The following FGF12 variants were observed in gnomAD, a reference collection of about 807,000 sequenced individuals.
FGF12 encodes fibroblast growth factor 12, also known as fibroblast growth factor 12B.
In FGF12, 14 loss-of-function variants were observed where a neutral mutation model predicts 23.6. That is an observed-to-expected ratio of 0.59 (90% CI 0.39 to 0.93). The LOEUF is 0.93. Ranked by LOEUF, FGF12 falls within the 40% of genes least tolerant of loss-of-function variation. The pLI is 0.00. For missense variants in FGF12, 175 were observed against 217.8 expected, an observed-to-expected ratio of 0.80 and a Z score of 1.24; for synonymous variants, 62 against 77.3, an observed-to-expected ratio of 0.80 and a Z score of 1.04.
At chr3:192,413,023 C>G (rs1182120798) in intron 2 of FGF12, among the ~76,000 whole-genome samples, 1 of 152,012 alleles carries the variant, frequency 6.6e-6, no homozygotes, top group African/African-American at 2.4e-5. Flanking sequence ...AAATGCACAT[C>G]AAAATGATAA....
intron 2 of FGF12, among the ~76,000 whole-genome samples, chr3:192,464,671 G>T (rs1722960011): frequency 6.6e-6 from 1 of 152,138 alleles, no homozygotes; most frequent in African/African-American, 2.4e-5. Context: ...CTTTTCCTCT[G>T]AGTAGATACC....
At chr3:192,170,313 T>A in intron 5 of FGF12, 145 bp downstream of exon 5, 1 of 612,322 alleles carries the variant, frequency 1.6e-6, no homozygotes, top group Non-Finnish European at 2.9e-6. Context: ...GAAGAGATAC[T>A]ATTGTGTTCT....
At chr3:192,443,746 A>G (rs1225099575) in intron 2 of FGF12, among the ~76,000 whole-genome samples, 1 of 152,186 alleles carries the variant, frequency 6.6e-6, no homozygotes, top group African/African-American at 2.4e-5. Flanking sequence ...ACTTTGCTTT[A>G]CCCTTTTCAC....
intron 4 of FGF12, among the ~76,000 whole-genome samples, chr3:192,212,566 C>A (rs1717987554): frequency 6.6e-6 from 1 of 152,100 alleles, no homozygotes; most frequent in Admixed American, 6.6e-5. Context: ...GTAAACTGGG[C>A]TAATAACTTA....
chr3:192,245,886 C>A (rs1711544194), intron 4 of FGF12, among the ~76,000 whole-genome samples: 1 of 151,724 alleles, frequency 6.6e-6, no homozygotes, highest in African/African-American at 2.4e-5. Flanking sequence ...TTTTTCGGAC[C>A]CTAATGCTAA....
chr3:192,367,842 C>T (rs967340769), intron 2 of FGF12, among the ~76,000 whole-genome samples: 1 of 152,138 alleles, frequency 6.6e-6, no homozygotes. Context: ...CATCTTCGAT[C>T]TCCCCATTGG....
At chr3:192,675,199 C>T (rs936692337) in intron 2 of FGF12, among the ~76,000 whole-genome samples, 3 of 152,042 alleles carry the variant, frequency 2.0e-5, no homozygotes, top group Non-Finnish European at 2.9e-5. Flanking sequence ...GGTCCCAGTA[C>T]ACTGCGGCAA....
intron 2 of FGF12, among the ~76,000 whole-genome samples, chr3:192,602,939 T>G (rs1714176114): frequency 1.3e-5 from 2 of 152,090 alleles, no homozygotes; most frequent in South Asian, 4.1e-4. Flanking sequence ...AAAAACCATA[T>G]GACCATCTCA....
At chr3:192,414,217 C>T (rs1403172951) in intron 2 of FGF12, among the ~76,000 whole-genome samples, 1 of 152,110 alleles carries the variant, frequency 6.6e-6, no homozygotes, top group East Asian at 1.9e-4. Context: ...GAGAAGTGCC[C>T]TACACACTTA....
intron 2 of FGF12, among the ~76,000 whole-genome samples, chr3:192,420,598 T>C (rs911211331): frequency 7.9e-5 from 12 of 152,242 alleles, no homozygotes; most frequent in African/African-American, 2.6e-4. Context: ...GTGTACCCCC[T>C]CTCTCTCTTG....
intron 4 of FGF12, among the ~76,000 whole-genome samples, chr3:192,285,123 G>T (rs768578508): frequency 3.3e-5 from 5 of 152,078 alleles, no homozygotes; most frequent in Non-Finnish European, 5.9e-5. Flanking sequence ...CAAGTCTTGA[G>T]TATACTGCTG....
chr3:192,425,121 T>A (rs997788659), intron 2 of FGF12, among the ~76,000 whole-genome samples: 6 of 152,192 alleles, frequency 3.9e-5, no homozygotes, highest in African/African-American at 1.4e-4. Flanking sequence ...TCCTTTTACA[T>A]CCATCCCTCA....
chr3:192,181,220 A>G (rs1716152024), intron 4 of FGF12, among the ~76,000 whole-genome samples: 1 of 152,144 alleles, frequency 6.6e-6, no homozygotes, highest in African/African-American at 2.4e-5. Context: ...CAGGGGCCTC[A>G]CTAAGCAAAG....
chr3:192,493,392 T>G (rs1344285658), intron 2 of FGF12, among the ~76,000 whole-genome samples: 2 of 152,222 alleles, frequency 1.3e-5, no homozygotes, highest in African/African-American at 4.8e-5. Flanking sequence ...AAATTCTTGC[T>G]TCTTCCACCC....
At chr3:192,412,164 T>C (rs370666240) in intron 2 of FGF12, among the ~76,000 whole-genome samples, 1 of 152,316 alleles carries the variant, frequency 6.6e-6, no homozygotes, top group South Asian at 2.1e-4. Flanking sequence ...AAGTAAAATA[T>C]AGTACATTTC....
intron 2 of FGF12, among the ~76,000 whole-genome samples, chr3:192,634,493 C>G (rs1315495910): frequency 1.3e-5 from 2 of 152,268 alleles, no homozygotes; most frequent in East Asian, 3.9e-4. Flanking sequence ...AGGACTTGCG[C>G]ATCCATGGAT....
intron 4 of FGF12, among the ~76,000 whole-genome samples, chr3:192,243,749 C>T (rs6808012): frequency 0.027 from 4,092 of 151,936 alleles, 128 homozygotes; most frequent in African/African-American, 0.083. Flanking sequence ...GTCAAACACA[C>T]GGTACTTATG....
chr3:192,706,675 T>C (rs1002068794), intron 2 of FGF12, among the ~76,000 whole-genome samples: 3 of 152,152 alleles, frequency 2.0e-5, no homozygotes, highest in African/African-American at 7.2e-5. Flanking sequence ...AGATGCAAGA[T>C]ATTTACCTCC....
At position 192,300,744 on chromosome 3, in the gene FGF12, G is replaced by T. The variant is rs190710692; in HGVS notation, c.228+34617C>A. ...AAGAATCCCTGAAGGCTCACCTGGC[G>T]CAGTGGCTCACATCTGTAATCCCAG... On this transcript the variant is annotated intron_variant, in intron 4 of 5. Coordinates refer to ENST00000445105, the MANE Select transcript of FGF12 (RefSeq NM_004113.6). Among the ~76,000 whole-genome samples, 31 of 152,180 alleles carry T rather than the reference G, an allele frequency of 2.0e-4. No individual in the cohort carries two copies. The East Asian group carries it at 5.8e-3, about 28-fold the overall frequency.
Sources: allele counts gnomAD v4.1 joint callset (sites outside exome capture counted in the v4.1 genomes callset), GRCh38; gene constraint gnomAD v4.1.1; transcripts MANE v1.5; gene names NCBI Gene and HGNC (gene_info 2026-07-23, HGNC 2026-07-21).